The following RIC8A variants were observed in gnomAD, a reference collection of about 807,000 sequenced individuals.
RIC8A encodes chaperone Ric-8A.
A neutral mutation model predicts 48.4 loss-of-function variants in RIC8A; 37 were observed. The ratio of observed to expected loss-of-function variants is 0.77; its 90% confidence interval spans 0.59 to 1.01. The LOEUF is 1.01. Ranked by LOEUF, RIC8A falls within the 50% of genes least tolerant of loss-of-function variation. RIC8A has a pLI of 0.00. For synonymous variants in RIC8A, 288 were observed against 283.4 expected (o/e 1.02, Z -0.16); for missense variants, 681 against 696.8 (o/e 0.98, Z 0.25).
chr11:210,017 AC>A lies in RIC8A; in HGVS notation c.726+20del. 1 of 1,556,608 alleles carries A rather than the reference AC, an allele frequency of 6.4e-7. No homozygotes were observed. Among genetic ancestry groups the A allele is most frequent in the Non-Finnish European group, 8.7e-7 (1 of 1,152,610 alleles). On this transcript the variant is annotated intron_variant, in intron 3 of 9. Coordinates refer to ENST00000526104, the MANE Select transcript of RIC8A (RefSeq NM_001286134.2). The stretch of plus-strand genomic sequence containing the variant: ...GTGGACGAGGTGAGCACTGACCTTA[AC>A]CCATGGATGGGTCTCAACTCAGCTC...
rs749607519 is a variant in RIC8A at position 214,222 on chromosome 11, C to T, written c.1476-8C>T. ...CTTCCCCAGCCCCACTGCACCTTTC[C>T]CCAACAGGAACAGAGTCATCCAGCC... On this transcript the variant is annotated splice_polypyrimidine_tract_variant and splice_region_variant and intron_variant, in intron 9 of 9. Transcript: ENST00000526104. 9 of 1,613,168 alleles carry T rather than the reference C, an allele frequency of 5.6e-6. No homozygotes were observed. The South Asian group carries it at 8.8e-5, about 16-fold the overall frequency.
rs753326479 is a variant in RIC8A, at chr11:212,483, G to A, written c.1037G>A (p.Arg346His). ...SVLTECARMH[R>H]PARKFLKAQV... ...CTGACTGAATGTGCCCGGATGCACC[G>A]CCCAGCCAGGAAGTTCCTGAAGGCC... Residue 346 changes from arginine (R) to histidine (H), a missense_variant, in exon 6 of 10, where the codon CGC (arginine) becomes CAC (histidine). Physicochemically the swap from Arg to His is conservative, Grantham distance 29. Coordinates refer to ENST00000526104, the MANE Select transcript of RIC8A (RefSeq NM_001286134.2). 1.5e-5 allele frequency: 24 copies of A among 1,613,772 alleles called. No homozygotes were observed. The highest frequency in any genetic ancestry group is 1.1e-4 in the East Asian group (5 of 44,892).
chr11:214,529 A>G lies in RIC8A; in HGVS notation c.*179A>G, dbSNP rs898647866. The G allele has an allele frequency of 2.9e-5, 22 of 761,382 alleles. No homozygotes were observed. Among genetic ancestry groups the G allele is most frequent in the African/African-American group, 2.4e-4 (14 of 58,276 alleles). The allele number at this position is 761,382 out of a possible 1,614,324, so 47.2% of individuals were successfully genotyped here. ...TGATTTGCCTCTGGTCCAGTTTCTCATCTCTGGACTGCAACGGTCTTCTTG... is the reference window on the plus strand; with the variant it reads ...TGATTTGCCTCTGGTCCAGTTTCTCGTCTCTGGACTGCAACGGTCTTCTTG... On this transcript the variant is annotated 3_prime_UTR_variant, in exon 10 of 10. Transcript: ENST00000526104.
At position 213,372 on chromosome 11, in the gene RIC8A, G is replaced by C; in HGVS notation, c.1429G>C (p.Glu477Gln). The change falls in exon 9 of 10, where the codon GAG (glutamate) becomes CAG (glutamine). Residue 477 changes from glutamate (E) to glutamine (Q), a missense_variant. Physicochemically the swap from Glu to Gln is conservative, Grantham distance 29. Transcript: ENST00000526104. ...PMEGMTEEQK[E>Q]HEAMKLVTMF... is the part of the protein sequence containing the mutation. ...GGAGGGCATGACAGAGGAGCAGAAG[G>C]AGCACGAGGCCATGAAGCTGGTGAC... The C allele has an allele frequency of 6.2e-7, 1 of 1,610,796 alleles. No individual in the cohort carries two copies. The highest frequency in any genetic ancestry group is 8.5e-7 in the Non-Finnish European group (1 of 1,178,488).
chr11:212,433 G>A lies in RIC8A; in HGVS notation c.987G>A (p.Glu329=). The A allele has an allele frequency of 6.2e-7, 1 of 1,613,914 alleles. No homozygotes were observed. The highest frequency in any genetic ancestry group is 8.5e-7 in the Non-Finnish European group (1 of 1,179,974). The change falls in exon 6 of 10, where the codon GAG becomes GAA. Residue 329 remains glutamate, a synonymous_variant. Transcript: ENST00000526104. ...CTCTACAGACACACAGGCTGAAGGA[G>A]AGTGTAGCTCCCGTGCTGAGCGTGC... ...KRLHKTHRLK[E]SVAPVLSVLT... is the part of the protein sequence containing the mutation.
Position 213,941 on chromosome 11 carries a change from G to A in RIC8A, c.1476-289G>A, listed in dbSNP as rs1004310528. Among the ~76,000 whole-genome samples, 10 of 151,520 alleles carry A rather than the reference G, an allele frequency of 6.6e-5. No individual in the cohort carries two copies. The South Asian group carries it at 1.7e-3, about 25-fold the overall frequency. On this transcript the variant is annotated intron_variant, in intron 9 of 9. Coordinates refer to ENST00000526104, the MANE Select transcript of RIC8A (RefSeq NM_001286134.2). ...CAGCCTGGCAACAGAGTGAGACTTC[G>A]TCTCAAAAAAAAAAAAGAGACTAAT... is the stretch of plus-strand genomic sequence containing the variant.
intron 8 of RIC8A, 84 bp from the exon 9 acceptor site, chr11:213,215 C>A: frequency 6.3e-7 from 1 of 1,578,118 alleles, no homozygotes; most frequent in Non-Finnish European, 8.6e-7. Flanking sequence ...TTGCCCACCT[C>A]ACCCCACTGG....
At position 211,113 on chromosome 11, in the gene RIC8A, T is replaced by G; in HGVS notation, c.819-86T>G. On this transcript the variant is annotated intron_variant, in intron 4 of 9. Transcript: ENST00000526104. This position sits in a 1 kb window ranked among gnomAD's most constrained non-coding sequence, Gnocchi z 4.0. ...TTTGGGACTCAGATGCCAGCTCATG[T>G]AATGTGTGGTTCAGCGGAGTCACAA... The G allele has an allele frequency of 3.5e-6, 5 of 1,427,868 alleles. No individual in the cohort carries two copies. Among genetic ancestry groups the G allele is most frequent in the Non-Finnish European group, 4.8e-6 (5 of 1,042,468 alleles). The allele number at this position is 1,427,868 out of a possible 1,614,324, so 88.4% of individuals were successfully genotyped here. A position where few individuals can be genotyped will look rare whatever the true frequency, so the allele number is the denominator to read the frequency against.
Position 208,962 on chromosome 11 carries a change from G to A in RIC8A, c.84+24G>A. The A allele has an allele frequency of 6.4e-7, 1 of 1,568,226 alleles. No individual in the cohort carries two copies. On this transcript the variant is annotated intron_variant, in intron 1 of 9. Transcript: ENST00000526104. This position sits in a 1 kb window ranked among gnomAD's most constrained non-coding sequence, Gnocchi z 4.8. ...AGGTAAGCGGCCGCCTGAGGCCGGG[G>A]GGCGGGCACGGAGGGGGTGGGGCAG...
Position 214,211 on chromosome 11 carries a change from C to A in RIC8A, c.1476-19C>A, listed in dbSNP as rs750493986. 14 of 1,612,112 alleles carry A rather than the reference C, an allele frequency of 8.7e-6. No individual in the cohort carries two copies. Among genetic ancestry groups the A allele is most frequent in the Admixed American group, 1.7e-5 (1 of 59,810 alleles). On this transcript the variant is annotated intron_variant, in intron 9 of 9. Transcript: ENST00000526104. The stretch of plus-strand genomic sequence containing the variant: ...CAACTGGGCCCCTTCCCCAGCCCCA[C>A]TGCACCTTTCCCCAACAGGAACAGA...
chr11:209,089 T>C, intron 1 of RIC8A, 151 bp downstream of exon 1: 2 of 1,031,238 alleles, frequency 1.9e-6, no homozygotes, highest in Non-Finnish European at 3.0e-6. Flanking sequence ...GGATGCAGTG[T>C]TGCGGGGAGA....
chr11:208,804 T>TGCG lies in RIC8A; in HGVS notation c.-48_-46dup. 6.6e-7 allele frequency: 1 copy of TGCG among 1,510,468 alleles called. No homozygotes were observed. Among genetic ancestry groups the TGCG allele is most frequent in the Non-Finnish European group, 9.0e-7 (1 of 1,108,068 alleles). 93.6% of individuals were successfully genotyped at this position (1,510,468 alleles called of 1,614,324 possible). On this transcript the variant is annotated 5_prime_UTR_variant, in exon 1 of 10. Transcript: ENST00000526104. The surrounding 1 kb of genome is among the most constrained non-coding windows in gnomAD (Gnocchi z 4.8). The stretch of plus-strand genomic sequence containing the variant: ...CTGGGCCAGGGCGGGGCCGGCGAAC[T>TGCG]GCGGCCCGGAACGGCTGAGGAAGGG...
Position 211,437 on chromosome 11 carries a change from A to C in RIC8A, c.969+88A>C, listed in dbSNP as rs1249329809. On this transcript the variant is annotated intron_variant, in intron 5 of 9. Coordinates refer to ENST00000526104, the MANE Select transcript of RIC8A (RefSeq NM_001286134.2). The surrounding 1 kb of genome is among the most constrained non-coding windows in gnomAD (Gnocchi z 4.0). ...TGTGGTCAGTGCTTCCACACTGTCC[A>C]CACTGGTACGTGGAGATTGTCTTGG... 21 of 1,360,820 alleles carry C rather than the reference A, an allele frequency of 1.5e-5. No homozygotes were observed. Among genetic ancestry groups the C allele is most frequent in the Non-Finnish European group, 2.0e-5 (20 of 998,742 alleles). 84.3% of individuals were successfully genotyped at this position (1,360,820 alleles called of 1,614,324 possible).
In RIC8A at chr11:214,554, G is replaced by C; in HGVS notation, c.*204G>C. The C allele has an allele frequency of 1.5e-6, 1 of 682,984 alleles. No individual in the cohort carries two copies. The highest frequency in any genetic ancestry group is 2.6e-6 in the Non-Finnish European group (1 of 383,540). 42.3% of individuals were successfully genotyped at this position (682,984 alleles called of 1,614,324 possible). ...ATCTCTGGACTGCAACGGTCTTCTT[G>C]TGCTAGAACTCAGGCTCAGCCTCGA... On this transcript the variant is annotated 3_prime_UTR_variant, in exon 10 of 10. Transcript: ENST00000526104.
rs1172278505 is a variant in RIC8A at position 209,664 on chromosome 11, G to T, written c.390G>T (p.Val130=). Residue 130 remains valine, a synonymous_variant, in exon 3 of 10, where the codon GTG becomes GTT. Transcript: ENST00000526104. ...GCAACCTCGTGCTCAGCAGCCCTGT[G>T]GCACAGATGCTGGCAGCAGAGGCCC... ...CLCNLVLSSP[V]AQMLAAEARL... is the part of the protein sequence containing the mutation. 6.2e-7 allele frequency: 1 copy of T among 1,614,002 alleles called. No homozygotes were observed. The highest frequency in any genetic ancestry group is 1.1e-5 in the South Asian group (1 of 91,080).
intron 4 of RIC8A, chr11:210,966 C>G (rs913963170): frequency 5.7e-5 from 35 of 611,678 alleles, no homozygotes; most frequent in Admixed American, 3.0e-5. Context: ...TTGGCTCAGA[C>G]AGGGTCGGGG....
rs370984747 is a variant in RIC8A, at chr11:212,475, G to A, written c.1029G>A (p.Arg343=). The A allele has an allele frequency of 8.1e-6, 13 of 1,613,998 alleles. No homozygotes were observed. Among genetic ancestry groups the A allele is most frequent in the Non-Finnish European group, 1.1e-5 (13 of 1,179,966 alleles). Residue 343 remains arginine (R), a synonymous_variant, in exon 6 of 10, where the codon CGG becomes CGA. Transcript: ENST00000526104. The stretch of plus-strand genomic sequence containing the variant: ...TGAGCGTGCTGACTGAATGTGCCCG[G>A]ATGCACCGCCCAGCCAGGAAGTTCC... ...PVLSVLTECA[R]MHRPARKFLK... is the part of the protein sequence containing the mutation.
chr11:213,687 A>G (rs1855436953), intron 9 of RIC8A: 1 of 345,794 alleles, frequency 2.9e-6, no homozygotes, highest in Non-Finnish European at 5.4e-6. Flanking sequence ...GCTCACGCCT[A>G]TAATCCCAGC....
intron 1 of RIC8A, 84 bp downstream of exon 1, chr11:209,022 G>C: frequency 1.6e-6 from 2 of 1,259,752 alleles, no homozygotes; most frequent in Non-Finnish European, 2.3e-6. Context: ...GCGTGGGTGA[G>C]GCAGAGGCTG....
Sources: allele counts gnomAD v4.1 joint callset (sites outside exome capture counted in the v4.1 genomes callset), GRCh38; gene constraint gnomAD v4.1.1; non-coding constraint Gnocchi (gnomAD v3.1); transcripts MANE v1.5; gene names NCBI Gene and HGNC (gene_info 2026-07-23, HGNC 2026-07-21).